TRPC7: variants seen among roughly 807,000 people sequenced by gnomAD.
TRPC7 encodes the protein transient receptor potential cation channel subfamily C member 7.
A neutral mutation model predicts 90.1 loss-of-function variants in TRPC7; 42 were observed. The observed-to-expected ratio is 0.47, with a 90% CI of 0.36 to 0.60. TRPC7 has a LOEUF of 0.60. Among genes scored for constraint, TRPC7 ranks in the 20% least tolerant of loss-of-function variants. TRPC7 has a pLI of 0.00. For missense variants in TRPC7, 955 were observed against 1,112.3 expected (o/e 0.86, Z 2.01); for synonymous variants, 451 against 436.3 (o/e 1.03, Z -0.42).
chr5:136,230,239 CTTAT>C (rs1561680053), intron 8 of TRPC7, among the ~76,000 whole-genome samples: 2 of 152,126 alleles, frequency 1.3e-5, no homozygotes, highest in African/African-American at 4.8e-5. Context: ...TTAACTTTAG[CTTAT>C]TTATTTAATC....
At chr5:136,323,799 G>A (rs1759269096) in intron 2 of TRPC7, among the ~76,000 whole-genome samples, 1 of 151,906 alleles carries the variant, frequency 6.6e-6, no homozygotes, top group Non-Finnish European at 1.5e-5. Context: ...AAATTATCTT[G>A]GCTTTTCTCA....
At chr5:136,354,583 C>T (rs1760304780) in intron 2 of TRPC7, among the ~76,000 whole-genome samples, 1 of 152,172 alleles carries the variant, frequency 6.6e-6, no homozygotes, top group Admixed American at 6.5e-5. Context: ...AGTCCCAGTG[C>T]CTCACACTCC....
At chr5:136,364,019 G>A (rs1380813507) in intron 1 of TRPC7, among the ~76,000 whole-genome samples, 1 of 152,112 alleles carries the variant, frequency 6.6e-6, no homozygotes, top group Non-Finnish European at 1.5e-5. Flanking sequence ...TCTATGATAA[G>A]AGTCTGAAAT....
At chr5:136,357,453 T>C in intron 1 of TRPC7, 68 bp from the exon 2 acceptor site, 4 of 1,448,836 alleles carry the variant, frequency 2.8e-6, no homozygotes, top group Non-Finnish European at 3.7e-6. Flanking sequence ...CACACAAAAA[T>C]GGTTGAGATA....
At chr5:136,223,094 T>G (rs1489002318) in intron 10 of TRPC7, among the ~76,000 whole-genome samples, 2 of 152,228 alleles carry the variant, frequency 1.3e-5, no homozygotes, top group African/African-American at 4.8e-5. Context: ...TGGCTGGCTT[T>G]TTGTTTCTTT....
chr5:136,307,279 C>T (rs758287287), intron 3 of TRPC7, among the ~76,000 whole-genome samples: 10 of 152,068 alleles, frequency 6.6e-5, no homozygotes, highest in Non-Finnish European at 1.2e-4. Flanking sequence ...TGATTGACAA[C>T]TCCCCATTCC....
intron 3 of TRPC7, among the ~76,000 whole-genome samples, chr5:136,291,803 C>A (rs1334944708): frequency 2.6e-5 from 4 of 152,218 alleles, no homozygotes. Context: ...TAATAGACAT[C>A]TACAGAACTC....
intron 3 of TRPC7, among the ~76,000 whole-genome samples, chr5:136,282,366 T>A (rs1271790222): frequency 6.6e-6 from 1 of 152,254 alleles, no homozygotes; most frequent in Admixed American, 6.5e-5. Flanking sequence ...TCTAAATTTC[T>A]CTTTCAGAGA....
chr5:136,345,031 T>G (rs890107521), intron 2 of TRPC7, among the ~76,000 whole-genome samples: 1 of 152,182 alleles, frequency 6.6e-6, no homozygotes, highest in Non-Finnish European at 1.5e-5. Flanking sequence ...CTTGAGAACA[T>G]AGTGGATGCA....
At position 136,289,640 on chromosome 5, in the gene TRPC7, G is replaced by T. The variant is rs866670626; in HGVS notation, c.964-14803C>A. ...CAGGCTTGAGCAGGTAAACAAAGCGGCCGGGAAGCTCGAACTGGGTGGAGC... is the reference window on the plus strand; with the variant it reads ...CAGGCTTGAGCAGGTAAACAAAGCGTCCGGGAAGCTCGAACTGGGTGGAGC... On this transcript the variant is annotated intron_variant, in intron 3 of 11. Transcript: ENST00000513104. Among the ~76,000 whole-genome samples, 31 of 152,340 alleles carry T rather than the reference G, an allele frequency of 2.0e-4. No homozygotes were observed. In the Middle Eastern group the frequency reaches 0.014, roughly 67 times the overall value.
intron 3 of TRPC7, among the ~76,000 whole-genome samples, chr5:136,310,760 G>T (rs556866090): frequency 7.5e-4 from 114 of 152,206 alleles, no homozygotes; most frequent in African/African-American, 2.6e-3. Context: ...CACTGCAAAG[G>T]CTGCTGCTAT....
At chr5:136,297,994 T>A (rs1580919178) in intron 3 of TRPC7, among the ~76,000 whole-genome samples, 2 of 152,230 alleles carry the variant, frequency 1.3e-5, no homozygotes, top group African/African-American at 4.8e-5. Flanking sequence ...TTTCACTTAT[T>A]CAGAAAATAT....
intron 5 of TRPC7, among the ~76,000 whole-genome samples, chr5:136,258,188 G>A (rs2149808799): frequency 6.6e-6 from 1 of 152,266 alleles, no homozygotes; most frequent in South Asian, 2.1e-4. Flanking sequence ...TCAAATGTCT[G>A]CATGAGTCTT....
intron 10 of TRPC7, among the ~76,000 whole-genome samples, chr5:136,223,008 C>T (rs766058154): frequency 6.6e-6 from 1 of 152,238 alleles, no homozygotes; most frequent in Non-Finnish European, 1.5e-5. Flanking sequence ...GACGATGCCA[C>T]ACAGCCTAGC....
At position 136,226,127 on chromosome 5, in the gene TRPC7, C is replaced by T. The variant is rs200515814; in HGVS notation, c.2169G>A (p.Met723Ile). 9 of 1,592,562 alleles carry T rather than the reference C, an allele frequency of 5.7e-6. No individual in the cohort carries two copies. Among genetic ancestry groups the T allele is most frequent in the Non-Finnish European group, 7.7e-6 (9 of 1,168,058 alleles). ...GTTTTATGAGGCACATCTTGATTCT[C>T]ATTATGAGATAATAAAATGATTTAG... ...PSPKSFYYLIMRIKMCLIKLC... is the reference protein window; with the variant it reads ...PSPKSFYYLIIRIKMCLIKLC... Residue 723 changes from methionine (M) to isoleucine (I), a missense_variant, in exon 9 of 12, where the codon ATG becomes ATA. Transcript: ENST00000513104.
At chr5:136,281,003 A>G (rs1383762092) in intron 3 of TRPC7, among the ~76,000 whole-genome samples, 1 of 152,182 alleles carries the variant, frequency 6.6e-6, no homozygotes, top group Non-Finnish European at 1.5e-5. Context: ...TTTGACATCA[A>G]AGATAGCATT....
At chr5:136,300,884 T>G (rs913427415) in intron 3 of TRPC7, among the ~76,000 whole-genome samples, 5 of 152,220 alleles carry the variant, frequency 3.3e-5, no homozygotes, top group African/African-American at 1.2e-4. Flanking sequence ...GTTCTCAGCC[T>G]TCAGAGATCT....
intron 2 of TRPC7, among the ~76,000 whole-genome samples, chr5:136,316,343 G>T (rs939820606): frequency 6.6e-6 from 1 of 152,094 alleles, no homozygotes; most frequent in African/African-American, 2.4e-5. Context: ...TGGATAATAT[G>T]CTAAAATTGG....
At chr5:136,219,825 G>A (rs1484821668) in intron 10 of TRPC7, among the ~76,000 whole-genome samples, 1 of 152,322 alleles carries the variant, frequency 6.6e-6, no homozygotes, top group Middle Eastern at 3.4e-3. Flanking sequence ...TTATGTGCAT[G>A]CTGCACAACT....
Sources: allele counts gnomAD v4.1 joint callset (sites outside exome capture counted in the v4.1 genomes callset), GRCh38; gene constraint gnomAD v4.1.1; transcripts MANE v1.5; gene names NCBI Gene and HGNC (gene_info 2026-07-23, HGNC 2026-07-21).